The following MAD1L1 variants were observed in gnomAD, a reference collection of about 807,000 sequenced individuals.
MAD1L1 encodes mitotic arrest deficient 1 like 1.
A neutral mutation model predicts 96.9 loss-of-function variants in MAD1L1; 95 were observed. The ratio of observed to expected loss-of-function variants is 0.98; its 90% CI spans 0.83 to 1.16. The LOEUF (loss-of-function observed/expected upper bound fraction) is 1.16, where lower values mean the gene tolerates loss of function less well. Among genes scored for constraint, MAD1L1 ranks in the 50% most tolerant of loss-of-function variants. The pLI is 0.00. For synonymous variants in MAD1L1, 473 were observed against 396.6 expected, an observed-to-expected ratio of 1.19 and a Z score of -2.29; for missense variants, 1,007 against 954.4, an observed-to-expected ratio of 1.06 and a Z score of -0.73.
chr7:2,201,841 C>G (rs543280962), intron 10 of MAD1L1: 1 of 152,508 alleles, frequency 6.6e-6, no homozygotes, highest in African/African-American at 2.4e-5. Flanking sequence ...TCCAGCCTGC[C>G]CGACCGTACC....
intron 18 of MAD1L1, among the ~76,000 whole-genome samples, chr7:1,888,029 GAGACTGAGCAT>G: frequency 6.6e-6 from 1 of 151,564 alleles, no homozygotes; most frequent in African/African-American, 2.4e-5. Flanking sequence ...GTGCATGCGT[GAGACTGAGCAT>G]GTGTGTGTGA....
rs1794120722 is a variant in MAD1L1, at chr7:2,230,150, G to A, written c.-10-7C>T. On this transcript the variant is annotated splice_polypyrimidine_tract_variant and splice_region_variant and intron_variant, in intron 2 of 18. Transcript: ENST00000265854. ...GTCTTCCATGGTTGCTTTCCTTCCG[G>A]GGACAGACAAAGGACTGGTCAGGGG... The A allele has an allele frequency of 1.3e-6, 2 of 1,576,462 alleles. No individual in the cohort carries two copies.
chr7:2,048,695 C>T (rs1450996907), intron 12 of MAD1L1, among the ~76,000 whole-genome samples: 8 of 152,240 alleles, frequency 5.3e-5, no homozygotes, highest in Non-Finnish European at 7.3e-5. Context: ...TCCTCCAAGA[C>T]GAATGCAGAA....
chr7:2,026,965 G>T (rs773026156), intron 12 of MAD1L1, among the ~76,000 whole-genome samples: 6 of 151,982 alleles, frequency 3.9e-5, no homozygotes, highest in East Asian at 3.8e-4. Context: ...TCCTCCAAAT[G>T]ACTAATAAAA....
At chr7:2,069,450 C>A in intron 11 of MAD1L1, 112 bp from the exon 12 acceptor site, 1 of 1,034,036 alleles carries the variant, frequency 9.7e-7, no homozygotes, top group Non-Finnish European at 1.3e-6. Context: ...TAGAGCTGCA[C>A]GTGCAACCCC....
At chr7:2,112,120 C>A (rs1028081733) in intron 11 of MAD1L1, among the ~76,000 whole-genome samples, 1 of 152,170 alleles carries the variant, frequency 6.6e-6, no homozygotes, top group Non-Finnish European at 1.5e-5. Context: ...CCCAAATGCA[C>A]CTCCATGAGC....
At chr7:1,823,952 G>T (rs1329400202) in intron 18 of MAD1L1, among the ~76,000 whole-genome samples, 4 of 152,206 alleles carry the variant, frequency 2.6e-5, no homozygotes, top group African/African-American at 9.7e-5. Flanking sequence ...GCTCTGTGTG[G>T]GGAGAGGAAA....
chr7:2,213,721 C>A (rs1008469193), intron 9 of MAD1L1, among the ~76,000 whole-genome samples: 3 of 151,900 alleles, frequency 2.0e-5, no homozygotes, highest in African/African-American at 7.2e-5. Context: ...TTCCTGCCAT[C>A]ACACAGCAGA....
At chr7:2,229,131 G>T (rs894744987) in intron 3 of MAD1L1, among the ~76,000 whole-genome samples, 2 of 152,200 alleles carry the variant, frequency 1.3e-5, no homozygotes, top group African/African-American at 4.8e-5. Context: ...GGCCTCATCT[G>T]GGCTCTGAGA....
At chr7:1,919,481 G>A (rs1340568904) in intron 17 of MAD1L1, among the ~76,000 whole-genome samples, 1 of 152,242 alleles carries the variant, frequency 6.6e-6, no homozygotes, top group African/African-American at 2.4e-5. Context: ...CACACAAAGG[G>A]AGGACCGCAC....
chr7:2,025,674 T>G (rs1227844874), intron 12 of MAD1L1, among the ~76,000 whole-genome samples: 1 of 152,222 alleles, frequency 6.6e-6, no homozygotes, highest in Admixed American at 6.5e-5. Context: ...CAGTATCTTT[T>G]CAAACACGTA....
At chr7:1,824,236 G>C (rs1160753616) in intron 18 of MAD1L1, among the ~76,000 whole-genome samples, 1 of 152,190 alleles carries the variant, frequency 6.6e-6, no homozygotes, top group Non-Finnish European at 1.5e-5. Context: ...CCACCTGCTT[G>C]TGCGGGCCTG....
At chr7:1,824,230 C>G (rs1218586821) in intron 18 of MAD1L1, among the ~76,000 whole-genome samples, 2 of 152,238 alleles carry the variant, frequency 1.3e-5, no homozygotes, top group Admixed American at 6.5e-5. Flanking sequence ...CTTACACCAC[C>G]TGCTTGTGCG....
chr7:2,107,856 C>T (rs1787177740), intron 11 of MAD1L1: 1 of 152,234 alleles, frequency 6.6e-6, no homozygotes, highest in Non-Finnish European at 1.5e-5. Context: ...TCAGCTGCCA[C>T]CCAGACCTGC....
chr7:2,096,083 C>T (rs1786475508), intron 11 of MAD1L1, among the ~76,000 whole-genome samples: 1 of 152,206 alleles, frequency 6.6e-6, no homozygotes, highest in Non-Finnish European at 1.5e-5. Context: ...CAGGAGAAAG[C>T]AAGGCCGGCG....
intron 16 of MAD1L1, among the ~76,000 whole-genome samples, chr7:1,941,482 A>G (rs1479773104): frequency 6.6e-6 from 1 of 152,272 alleles, no homozygotes; most frequent in African/African-American, 2.4e-5. Flanking sequence ...AGTTCTTCTT[A>G]AACACCAATC....
At chr7:2,155,906 T>C (rs1231399317) in intron 10 of MAD1L1, among the ~76,000 whole-genome samples, 1 of 152,086 alleles carries the variant, frequency 6.6e-6, no homozygotes, top group Non-Finnish European at 1.5e-5. Flanking sequence ...CCAACTTACT[T>C]TCTCCATCTC....
intron 12 of MAD1L1, among the ~76,000 whole-genome samples, chr7:2,051,757 C>T: frequency 7.5e-6 from 1 of 133,812 alleles, no homozygotes; most frequent in Non-Finnish European, 1.6e-5. Flanking sequence ...CCCCCCACCA[C>T]CCCCACCAGC....
intron 11 of MAD1L1, among the ~76,000 whole-genome samples, chr7:2,086,017 C>T (rs143791897): frequency 1.4e-4 from 22 of 152,288 alleles, no homozygotes; most frequent in Admixed American, 1.2e-3. Context: ...CCATCACCTC[C>T]GTGCGCAGCT....
Sources: allele counts gnomAD v4.1 joint callset (sites outside exome capture counted in the v4.1 genomes callset), GRCh38; gene constraint gnomAD v4.1.1; transcripts MANE v1.5; gene names NCBI Gene and HGNC (gene_info 2026-07-23, HGNC 2026-07-21).